The following ZNF618 variants were observed in gnomAD, a reference collection of about 807,000 sequenced individuals.
ZNF618 encodes zinc finger protein 618.
In ZNF618, 34 loss-of-function variants were observed where a neutral mutation model predicts 103.0. That is an observed-to-expected ratio of 0.33 (90% CI 0.25 to 0.44). The LOEUF (loss-of-function observed/expected upper bound fraction) is 0.44, where lower values mean the gene tolerates loss of function less well. ZNF618 is among the 20% of genes least tolerant of loss of function. The pLI is 1.00. For missense variants in ZNF618, 1,059 were observed against 1,295.4 expected (o/e 0.82, Z 2.80); for synonymous variants, 551 against 542.2 (o/e 1.02, Z -0.23).
At position 113,958,820 on chromosome 9, in the gene ZNF618, C is replaced by G. The variant is rs542343880; in HGVS notation, c.34-10297C>G. Among the ~76,000 whole-genome samples the G allele has an allele frequency of 4.0e-4, 61 of 152,316 alleles. 1 individual carries two copies. In the South Asian group the frequency reaches 0.012, roughly 30 times the overall value. On this transcript the variant is annotated intron_variant, in intron 1 of 14. Transcript: ENST00000374126. ...GCCAACCCTCCCTGGACTTTGACAT[C>G]TACCCCCAACTGGTCTTGGTGTCTG...
chr9:113,895,515 G>A lies in ZNF618; in HGVS notation c.33+19102G>A, dbSNP rs576274693. Among the ~76,000 whole-genome samples, 26 of 152,146 alleles carry A rather than the reference G, an allele frequency of 1.7e-4. No homozygotes were observed. The East Asian group carries it at 5.0e-3, about 29-fold the overall frequency. On this transcript the variant is annotated intron_variant, in intron 1 of 14. Transcript: ENST00000374126. ...ATTGCCCTGCAGTTTTATTTTTAGTGTGCTGTTTTTGTCATTTTTTAAGGG... is the reference window on the plus strand; with the variant it reads ...ATTGCCCTGCAGTTTTATTTTTAGTATGCTGTTTTTGTCATTTTTTAAGGG...
chr9:113,929,264 T>A (rs1014490185), intron 1 of ZNF618, among the ~76,000 whole-genome samples: 4 of 152,314 alleles, frequency 2.6e-5, no homozygotes, highest in African/African-American at 9.6e-5. Flanking sequence ...AGTTACTGTT[T>A]AAACGTTCCT....
At position 114,026,658 on chromosome 9, in the gene ZNF618, G is replaced by A. The variant is rs112206048; in HGVS notation, c.845-2075G>A. On this transcript the variant is annotated intron_variant, in intron 10 of 14. Transcript: ENST00000374126. ...TGTCTCATCTCAGCACTAACTTTGT[G>A]TGTTGCCATCAACAAACTTATTATG... 3.9e-5 allele frequency among the ~76,000 whole-genome samples: 6 copies of A among 152,390 alleles called. 1 individual carries two copies. Among genetic ancestry groups the A allele is most frequent in the African/African-American group, 1.4e-4 (6 of 41,592 alleles).
At chr9:113,974,216 TA>T (rs1174185360) in intron 2 of ZNF618, among the ~76,000 whole-genome samples, 1 of 152,232 alleles carries the variant, frequency 6.6e-6, no homozygotes, top group Non-Finnish European at 1.5e-5. Flanking sequence ...GTTGCCTCTC[TA>T]ATTTGAGCAT....
intron 1 of ZNF618, among the ~76,000 whole-genome samples, chr9:113,951,599 A>ATGTGTGTGTG (rs1487695700): frequency 1.1e-5 from 1 of 92,032 alleles, no homozygotes; most frequent in African/African-American, 3.8e-5. Context: ...GTGTGTGTGT[A>ATGTGTGTGTG]TATATATGTA....
chr9:113,961,696 T>C (rs1389409313), intron 1 of ZNF618, among the ~76,000 whole-genome samples: 3 of 152,230 alleles, frequency 2.0e-5, no homozygotes, highest in Non-Finnish European at 2.9e-5. Context: ...AAGGACTAAT[T>C]AGAGAATTTA....
Position 114,023,701 on chromosome 9 carries a change from AT to A in ZNF618, c.845-5025del, listed in dbSNP as rs1241378521. 5.3e-5 allele frequency among the ~76,000 whole-genome samples: 8 copies of A among 152,020 alleles called. No individual in the cohort carries two copies. The South Asian group carries it at 1.0e-3, about 20-fold the overall frequency. On this transcript the variant is annotated intron_variant, in intron 10 of 14. Coordinates refer to ENST00000374126, the MANE Select transcript of ZNF618 (RefSeq NM_001318042.2). ...AGCTGAAGATGTTTTTATTTCACAT[AT>A]TTTTTTGAAGGATTTTTTTTCTGGA...
At chr9:113,885,712 C>T (rs956332601) in intron 1 of ZNF618, among the ~76,000 whole-genome samples, 1 of 152,132 alleles carries the variant, frequency 6.6e-6, no homozygotes, top group East Asian at 1.9e-4. Flanking sequence ...ATCCTTAAAC[C>T]CTTCCAGGCT....
At chr9:113,954,597 G>C (rs1003954174) in intron 1 of ZNF618, among the ~76,000 whole-genome samples, 2 of 152,312 alleles carry the variant, frequency 1.3e-5, no homozygotes, top group Admixed American at 1.3e-4. Flanking sequence ...GACTCAGGTG[G>C]ACTCTTTGGT....
chr9:113,972,377 T>A (rs2132888356), intron 2 of ZNF618, among the ~76,000 whole-genome samples: 1 of 152,312 alleles, frequency 6.6e-6, no homozygotes, highest in African/African-American at 2.4e-5. Flanking sequence ...GTAATCTTTT[T>A]AACAACCTCA....
At chr9:113,959,984 G>C (rs1370989373) in intron 1 of ZNF618, among the ~76,000 whole-genome samples, 1 of 152,158 alleles carries the variant, frequency 6.6e-6, no homozygotes, top group African/African-American at 2.4e-5. Flanking sequence ...CTCTCCCAGG[G>C]GCCCAGGTCT....
At position 114,008,203 on chromosome 9, in the gene ZNF618, C is replaced by A. The variant is rs1588319365; in HGVS notation, c.641-141C>A. 17 of 1,151,746 alleles carry A rather than the reference C, an allele frequency of 1.5e-5. No homozygotes were observed. The East Asian group carries it at 3.8e-4, about 26-fold the overall frequency. 71.3% of individuals were successfully genotyped at this position (1,151,746 alleles called of 1,614,324 possible). ...GGTTTTGGGGGGCTTCCACAGTGGC[C>A]ACGGCAGCCCTCCTGGGCCCCAAGG... On this transcript the variant is annotated intron_variant, in intron 7 of 14. Coordinates refer to ENST00000374126, the MANE Select transcript of ZNF618 (RefSeq NM_001318042.2).
chr9:114,017,979 C>G (rs1052991572), intron 10 of ZNF618, among the ~76,000 whole-genome samples: 2 of 152,198 alleles, frequency 1.3e-5, no homozygotes, highest in Admixed American at 6.5e-5. Flanking sequence ...CTGAGATTCT[C>G]ATCCCTGCTT....
intron 13 of ZNF618, among the ~76,000 whole-genome samples, chr9:114,044,261 T>A (rs190573893): frequency 1.7e-4 from 26 of 152,326 alleles, no homozygotes; most frequent in African/African-American, 6.3e-4. Context: ...TTCTTCCACA[T>A]GTGGCTAGCC....
At chr9:114,001,687 A>G (rs377084044) in intron 4 of ZNF618, among the ~76,000 whole-genome samples, 16 of 152,282 alleles carry the variant, frequency 1.1e-4, no homozygotes, top group African/African-American at 3.6e-4. Flanking sequence ...TTTAACATTC[A>G]TTTCCTTTTT....
chr9:113,939,497 T>C (rs368605047), intron 1 of ZNF618, among the ~76,000 whole-genome samples: 5 of 152,318 alleles, frequency 3.3e-5, no homozygotes, highest in African/African-American at 1.2e-4. Context: ...AGAATTATGT[T>C]GGCTTTGTAA....
chr9:113,961,608 C>T (rs995439095), intron 1 of ZNF618, among the ~76,000 whole-genome samples: 5 of 152,192 alleles, frequency 3.3e-5, no homozygotes, highest in African/African-American at 4.8e-5. Context: ...TTTGAGTTAC[C>T]GTGTTCAGTT....
chr9:114,042,639 G>C (rs572263396), intron 13 of ZNF618, among the ~76,000 whole-genome samples: 6 of 152,168 alleles, frequency 3.9e-5, no homozygotes, highest in Admixed American at 6.5e-5. Flanking sequence ...GACCAGCCCT[G>C]GTCACCACAG....
chr9:113,957,126 C>T (rs1448295046), intron 1 of ZNF618, among the ~76,000 whole-genome samples: 2 of 152,158 alleles, frequency 1.3e-5, no homozygotes, highest in Non-Finnish European at 2.9e-5. Flanking sequence ...AAATAAATCC[C>T]GCCGGCCGGA....
Sources: gnomAD v4.1 joint callset for allele counts (sites outside exome capture counted in the v4.1 genomes callset) on GRCh38, gnomAD v4.1.1 for gene constraint, MANE v1.5 for transcripts, NCBI Gene and HGNC (gene_info 2026-07-23, HGNC 2026-07-21) for gene names.